PSG4: variants seen among roughly 807,000 people sequenced by gnomAD.
PSG4 encodes pregnancy-specific beta-1-glycoprotein 4.
Under a neutral mutation model 44.3 loss-of-function variants are expected in PSG4, and 61 were observed. That is an observed-to-expected ratio of 1.38 (90% CI 1.12 to 1.70). PSG4 has a LOEUF of 1.70. PSG4 is among the 40% of genes most tolerant of loss of function. The pLI, the probability that PSG4 is intolerant of heterozygous loss-of-function variation, is 0.00. For missense variants in PSG4, 677 were observed against 511.7 expected (o/e 1.32, Z -3.12); for synonymous variants, 248 against 191.3 (o/e 1.30, Z -2.45).
In PSG4 at chr19:43,204,816, T is replaced by G. The variant is rs11669435; in HGVS notation, c.65-565A>C. ...GTGAGAGTTCTCAGGGTCTCCACCCTCTGGATGTTTCTTTTTCCCCCCAAT... is the reference window on the plus strand; with the variant it reads ...GTGAGAGTTCTCAGGGTCTCCACCCGCTGGATGTTTCTTTTTCCCCCCAAT... On this transcript the variant is annotated intron_variant, in intron 1 of 5. Transcript: ENST00000405312. 10 of 415,726 alleles carry G rather than the reference T, an allele frequency of 2.4e-5. 1 individual carries two copies. The highest frequency in any genetic ancestry group is 4.8e-5 in the Non-Finnish European group (10 of 209,528). The allele number at this position is 415,726 out of a possible 1,614,324, so 25.8% of individuals were successfully genotyped here.
intron 2 of PSG4, among the ~76,000 whole-genome samples, chr19:43,200,731 A>G (rs1348613025): frequency 6.9e-6 from 1 of 144,988 alleles, no homozygotes; most frequent in African/African-American, 2.6e-5. Context: ...ATCCGCCACC[A>G]AGCCCGGCTA....
intron 5 of PSG4, chr19:43,193,689 A>C (rs767791783): frequency 1.1e-4 from 60 of 547,006 alleles, no homozygotes; most frequent in Admixed American, 1.7e-4. Context: ...ACCCTTGAGA[A>C]TAGGAAGCCA....
rs886274967 is a variant in PSG4 at position 43,195,312 on chromosome 19, C to T, written c.710-39G>A. On this transcript the variant is annotated intron_variant, in intron 3 of 5. Coordinates refer to ENST00000405312, the MANE Select transcript of PSG4 (RefSeq NM_002780.5). ...AGAGAGAAGATTGTCCTGTGTGGCA[C>T]CTTTGATTCCTCCACAGGCATACTT... The T allele has an allele frequency of 5.0e-6, 8 of 1,598,950 alleles. 1 individual carries two copies. In the African/African-American group the frequency reaches 9.4e-5, roughly 19 times the overall value.
chr19:43,198,309 T>G lies in PSG4; in HGVS notation c.431-34A>C. On this transcript the variant is annotated intron_variant, in intron 2 of 5. Coordinates refer to ENST00000405312, the MANE Select transcript of PSG4 (RefSeq NM_002780.5). ...AAAACAGAGAGAGGTTTGCCCTGTG[T>G]GGCATCTTTGATTCTTCCAAAGGCA... 1.3e-5 allele frequency: 21 copies of G among 1,562,078 alleles called. 1 individual carries two copies. The highest frequency in any genetic ancestry group is 1.8e-5 in the Non-Finnish European group (21 of 1,159,408).
At chr19:43,202,559 G>GTC (rs1967562942) in intron 2 of PSG4, among the ~76,000 whole-genome samples, 1 of 144,594 alleles carries the variant, frequency 6.9e-6, no homozygotes, top group African/African-American at 2.7e-5. Context: ...CTGAGTGTGT[G>GTC]TCTCTCGCTG....
Position 43,199,438 on chromosome 19 carries a change from G to T in PSG4, c.431-1163C>A, listed in dbSNP as rs569329286. On this transcript the variant is annotated intron_variant, in intron 2 of 5. Transcript: ENST00000405312. ...TTCATACAGATAAAGTGCTCCTTAT[G>T]CAGAAAGGTTAAAACAAAGTGTTTT... Among the ~76,000 whole-genome samples, 34 of 145,774 alleles carry T rather than the reference G, an allele frequency of 2.3e-4. 6 individuals are homozygous for T. The highest frequency in any genetic ancestry group is 8.1e-4 in the African/African-American group (31 of 38,192).
chr19:43,203,896 G>C lies in PSG4; in HGVS notation c.420C>G (p.Phe140Leu). 1 of 1,580,696 alleles carries C rather than the reference G, an allele frequency of 6.3e-7. No homozygotes were observed. Among genetic ancestry groups the C allele is most frequent in the Non-Finnish European group, 8.6e-7 (1 of 1,168,500 alleles). Residue 140 changes from phenylalanine to leucine, a missense_variant, in exon 2 of 6, where the codon TTC becomes TTG. Phe to Leu is a conservative substitution (Grantham distance 22, BLOSUM62 0). Transcript: ENST00000405312. Reference protein sequence around the residue: ...GTGGVTGHFTFTLHLETPKPS... With the variant: ...GTGGVTGHFTLTLHLETPKPS... ...TGTGGAATCACTCACGGTGTAAGGT[G>C]AAGGTGAAATGTCCAGTTACTCCTC...
Position 43,204,827 on chromosome 19 carries a change from C to T in PSG4, c.65-576G>A, listed in dbSNP as rs58918884. On this transcript the variant is annotated intron_variant, in intron 1 of 5. Coordinates refer to ENST00000405312, the MANE Select transcript of PSG4 (RefSeq NM_002780.5). ...CAGGGTCTCCACCCTCTGGATGTTT[C>T]TTTTTCCCCCCAATTGTTGAGGTTT... is the stretch of plus-strand genomic sequence containing the variant. 82 of 83,666 alleles carry T rather than the reference C, an allele frequency of 9.8e-4. 4 individuals are homozygous for T. Among genetic ancestry groups the T allele is most frequent in the African/African-American group, 4.2e-3 (25 of 5,916 alleles). 5.2% of individuals were successfully genotyped at this position (83,666 alleles called of 1,614,324 possible).
Position 43,193,274 on chromosome 19 carries a change from G to T in PSG4, c.*98C>A. The T allele has an allele frequency of 1.3e-6, 1 of 769,854 alleles. No homozygotes were observed. The highest frequency in any genetic ancestry group is 2.4e-6 in the Non-Finnish European group (1 of 417,508). 47.7% of individuals were successfully genotyped at this position (769,854 alleles called of 1,614,324 possible). A position where few individuals can be genotyped will look rare whatever the true frequency, so the allele number is the denominator to read the frequency against. ...AGGGTTTTCCCATGAAATTTACATC[G>T]AGTTGTCCACCTCCAGCTTATAGGG... On this transcript the variant is annotated 3_prime_UTR_variant, in exon 6 of 6. Transcript: ENST00000405312.
Position 43,198,021 on chromosome 19 carries a change from C to A in PSG4, c.685G>T (p.Asp229Tyr). 6.3e-7 allele frequency: 1 copy of A among 1,587,776 alleles called. No individual in the cohort carries two copies. Among genetic ancestry groups the A allele is most frequent in the Non-Finnish European group, 8.5e-7 (1 of 1,171,952 alleles). ...CGGAGGAGATTCAGGGTGACTGGGT[C>A]ACTGCGGCTGGCACTCACTGGGTTC... ...IRNPVSASRSDPVTLNLLPKL... is the reference protein window; with the variant it reads ...IRNPVSASRSYPVTLNLLPKL... The change falls in exon 3 of 6, where the codon GAC becomes TAC. Residue 229 changes from aspartate (D) to tyrosine (Y), a missense_variant. Physicochemically the swap from Asp to Tyr is radical, Grantham distance 160. Transcript: ENST00000405312.
At position 43,194,610 on chromosome 19, in the gene PSG4, T is replaced by A. The variant is rs1568383307; in HGVS notation, c.989-16A>T. 1.2e-6 allele frequency: 2 copies of A among 1,603,304 alleles called. No homozygotes were observed. The highest frequency in any genetic ancestry group is 1.7e-6 in the Non-Finnish European group (2 of 1,173,722). ...TCTGGACCATCTGGCGCAAAGAGAA[T>A]AAAGCCATAGGTGATGTCATCCGAG... On this transcript the variant is annotated splice_polypyrimidine_tract_variant and intron_variant, in intron 4 of 5. Transcript: ENST00000405312.
intron 5 of PSG4, 32 bp downstream of exon 5, chr19:43,194,308 C>T (rs181146402): frequency 7.0e-5 from 113 of 1,611,888 alleles, no homozygotes; most frequent in Non-Finnish European, 8.9e-5. Flanking sequence ...CCACCTAAAT[C>T]CCTATTGCCA....
intron 3 of PSG4, among the ~76,000 whole-genome samples, chr19:43,195,615 G>C (rs1198264650): frequency 6.6e-6 from 1 of 151,328 alleles, no homozygotes; most frequent in Non-Finnish European, 1.5e-5. Context: ...TCCTTACCTG[G>C]AATGTGCAAC....
Position 43,198,265 on chromosome 19 carries a change from G to A in PSG4, c.441C>T (p.Pro147=), listed in dbSNP as rs778299521. 4 of 1,586,484 alleles carry A rather than the reference G, an allele frequency of 2.5e-6. 1 individual carries two copies. The highest frequency in any genetic ancestry group is 5.3e-5 in the East Asian group (2 of 37,486). The change falls in exon 3 of 6, where the codon CCC becomes CCT. Residue 147 remains proline, a synonymous_variant. Transcript: ENST00000405312. The part of the protein sequence containing the change: ...HFTFTLHLET[P]KPSISSSNLN... ...AGTTGCTGCTGGAGATGGAGGGCTT[G>A]GGAGTCTCCACTGTGCAGAAAACAG...
chr19:43,203,540 G>C (rs1300868923), intron 2 of PSG4: 2 of 269,428 alleles, frequency 7.4e-6, no homozygotes, highest in Non-Finnish European at 1.3e-5. Flanking sequence ...GAGTATCTCA[G>C]GGGGCCCCTC....
intron 2 of PSG4, among the ~76,000 whole-genome samples, chr19:43,201,402 C>T (rs1479394817): frequency 1.4e-5 from 2 of 145,568 alleles, no homozygotes; most frequent in African/African-American, 5.3e-5. Flanking sequence ...GCTCCAGTGT[C>T]ATTTGGCAAG....
intron 2 of PSG4, among the ~76,000 whole-genome samples, chr19:43,200,645 A>C: frequency 6.9e-6 from 1 of 144,800 alleles, no homozygotes; most frequent in Admixed American, 6.9e-5. Context: ...GCATGATCTC[A>C]GCTCACTGCA....
At position 43,202,090 on chromosome 19, in the gene PSG4, G is replaced by A. The variant is rs193158880; in HGVS notation, c.430+1796C>T. On this transcript the variant is annotated intron_variant, in intron 2 of 5. Transcript: ENST00000405312. ...GGTGGGCCAGGCCACAGTGTTAGCG[G>A]GAAAGGAACTGAACAGCCAGACTAG... Among the ~76,000 whole-genome samples, 12 of 145,928 alleles carry A rather than the reference G, an allele frequency of 8.2e-5. 4 individuals are homozygous for A. In the East Asian group the frequency reaches 1.4e-3, roughly 17 times the overall value.
rs1394363448 is a variant in PSG4, at chr19:43,194,524, G to A, written c.1059C>T (p.Ser353=). The change falls in exon 5 of 6, where the codon TCC becomes TCT. Residue 353 remains serine, a synonymous_variant. Transcript: ENST00000405312. ...YYRSGENLYL[S]CFAESNPRAQ... The stretch of plus-strand genomic sequence containing the variant: ...CCCGTGGGTTAGACTCGGCGAAGCA[G>A]GACAAGTAGAGGTTTTCTCCTGAAC... The A allele has an allele frequency of 3.1e-6, 5 of 1,612,472 alleles. No individual in the cohort carries two copies. Among genetic ancestry groups the A allele is most frequent in the South Asian group, 1.1e-5 (1 of 91,042 alleles).
Sources: allele counts gnomAD v4.1 joint callset (sites outside exome capture counted in the v4.1 genomes callset), GRCh38; gene constraint gnomAD v4.1.1; transcripts MANE v1.5; gene names NCBI Gene and HGNC (gene_info 2026-07-23, HGNC 2026-07-21).